Variants in KDM3A observed in about 807,000 individuals in gnomAD.
KDM3A encodes lysine demethylase 3A.
In KDM3A, 60 loss-of-function variants were observed where a neutral mutation model predicts 158.0. That is an observed-to-expected ratio of 0.38 (90% CI 0.31 to 0.47). The LOEUF (loss-of-function observed/expected upper bound fraction) is 0.47, where lower values mean the gene tolerates loss of function less well. Ranked by LOEUF, KDM3A falls within the 20% of genes least tolerant of loss-of-function variation. KDM3A has a pLI of 0.99. For synonymous variants in KDM3A, 608 were observed against 549.3 expected (o/e 1.11, Z -1.49); for missense variants, 1,319 against 1,574.3 (o/e 0.84, Z 2.74).
At chr2:86,466,921 G>A in intron 10 of KDM3A, 38 bp downstream of exon 10, 1 of 1,449,548 alleles carries the variant, frequency 6.9e-7, no homozygotes, top group Non-Finnish European at 9.3e-7. Flanking sequence ...TAGAAGGTAA[G>A]AAATGGTAGA....
At chr2:86,479,169 T>C (rs1673806363) in intron 15 of KDM3A, 1 of 154,202 alleles carries the variant, frequency 6.5e-6, no homozygotes, top group Non-Finnish European at 1.4e-5. Context: ...AACCTTTAGT[T>C]GCCCATCACA....
chr2:86,441,740 G>GC (rs1013015101), intron 1 of KDM3A, among the ~76,000 whole-genome samples: 8 of 151,000 alleles, frequency 5.3e-5, no homozygotes, highest in Non-Finnish European at 1.2e-4. Flanking sequence ...ATCCACTCGA[G>GC]CCGCAGATAA....
intron 3 of KDM3A, among the ~76,000 whole-genome samples, chr2:86,450,419 G>A (rs1156507826): frequency 6.6e-6 from 1 of 152,182 alleles, no homozygotes; most frequent in African/African-American, 2.4e-5. Context: ...TCTCTGTAGG[G>A]TTTCCAGTCT....
intron 11 of KDM3A, among the ~76,000 whole-genome samples, chr2:86,473,392 A>G (rs533704318): frequency 6.3e-4 from 96 of 152,044 alleles, no homozygotes; most frequent in Non-Finnish European, 1.0e-3. Context: ...CTCAAACTGA[A>G]TCTGTCTCAG....
In KDM3A at chr2:86,471,394, T is replaced by C. The variant is rs367543748; in HGVS notation, c.1724+986T>C. Among the ~76,000 whole-genome samples, 131 of 151,998 alleles carry C rather than the reference T, an allele frequency of 8.6e-4. 3 individuals are homozygous for C. The South Asian group carries it at 0.026, about 30-fold the overall frequency. On this transcript the variant is annotated intron_variant, in intron 11 of 25. Coordinates refer to ENST00000312912, the MANE Select transcript of KDM3A (RefSeq NM_018433.6). ...ATATGTATATATATGTGTGTATATATATATATTTTCAAAATCATTTTCTTT... is the reference window on the plus strand; with the variant it reads ...ATATGTATATATATGTGTGTATATACATATATTTTCAAAATCATTTTCTTT...
upstream of KDM3A, among the ~76,000 whole-genome samples, chr2:86,440,039 C>G (rs1271384211): frequency 1.3e-5 from 2 of 152,108 alleles, no homozygotes; most frequent in Admixed American, 1.3e-4. Flanking sequence ...TTGGACTTTT[C>G]ACATGAAAAA....
rs759939056 is a variant in KDM3A, at chr2:86,482,619, T to C, written c.2847T>C (p.Asn949=). Residue 949 remains asparagine, a synonymous_variant, in exon 18 of 26, where the codon AAT becomes AAC. Coordinates refer to ENST00000312912, the MANE Select transcript of KDM3A (RefSeq NM_018433.6). ...CTCCTCACTATTGGCTTTGTGATAA[T>C]CGCTTGCTGTGCTTGCAAGACCCCA... is the stretch of plus-strand genomic sequence containing the variant. ...FDTPHYWLCD[N]RLLCLQDPNN... is the part of the protein sequence containing the mutation. 11 of 1,614,096 alleles carry C rather than the reference T, an allele frequency of 6.8e-6. No individual in the cohort carries two copies. The East Asian group carries it at 2.5e-4, about 36-fold the overall frequency.
chr2:86,490,782 C>T (rs2104718696), intron 23 of KDM3A, 99 bp from the exon 24 acceptor site: 1 of 800,924 alleles, frequency 1.2e-6, no homozygotes, highest in Non-Finnish European at 1.9e-6. Flanking sequence ...TTGAAGAAGG[C>T]CTGACATTTA....
upstream of KDM3A, among the ~76,000 whole-genome samples, chr2:86,437,665 AT>A (rs1339339912): frequency 6.6e-6 from 1 of 152,084 alleles, no homozygotes; most frequent in East Asian, 1.9e-4. Flanking sequence ...AAGAGACAGA[AT>A]TTTTCATCTT....
intron 16 of KDM3A, among the ~76,000 whole-genome samples, chr2:86,481,097 G>A (rs186049450): frequency 1.3e-4 from 20 of 152,160 alleles, no homozygotes; most frequent in Admixed American, 8.5e-4. Context: ...AAGAATCATG[G>A]GACAAGATGC....
chr2:86,456,241 T>A (rs547398586), intron 5 of KDM3A, among the ~76,000 whole-genome samples: 2 of 152,182 alleles, frequency 1.3e-5, no homozygotes, highest in African/African-American at 4.8e-5. Context: ...TAATACTACT[T>A]TGGTCCGATA....
chr2:86,466,991 T>A (rs1347043121), intron 10 of KDM3A, 108 bp downstream of exon 10: 1 of 935,458 alleles, frequency 1.1e-6, no homozygotes, highest in Non-Finnish European at 1.5e-6. Context: ...GTAGAAATAG[T>A]TTATACAGTC....
rs771855776 is a variant in KDM3A, at chr2:86,489,579, G to A, written c.3493G>A (p.Glu1165Lys). 1.2e-6 allele frequency: 2 copies of A among 1,614,072 alleles called. No homozygotes were observed. The highest frequency in any genetic ancestry group is 1.7e-6 in the Non-Finnish European group (2 of 1,179,978). ...CGAACTCACAATAAAGCGATTTATT[G>A]AAGGAAAAGAGAAGCCAGGAGCACT... ...SDELTIKRFI[E>K]GKEKPGALWH... Residue 1165 changes from glutamate to lysine, a missense_variant, in exon 23 of 26, where the codon GAA (glutamate) becomes AAA (lysine). Glu to Lys is a moderately conservative substitution (Grantham distance 56, BLOSUM62 1). Transcript: ENST00000312912.
At chr2:86,480,012 A>G (rs991829920) in intron 15 of KDM3A, 155 bp from the exon 16 acceptor site, 13 of 625,956 alleles carry the variant, frequency 2.1e-5, no homozygotes, top group Non-Finnish European at 3.4e-5. Flanking sequence ...CTAGTGCGGG[A>G]TTACTGCAGC....
At chr2:86,469,296 C>G (rs955208078) in intron 10 of KDM3A, among the ~76,000 whole-genome samples, 1 of 152,196 alleles carries the variant, frequency 6.6e-6, no homozygotes, top group African/African-American at 2.4e-5. Flanking sequence ...CATCTCTCAA[C>G]TAGTTCCCCA....
rs544571304 is a variant in KDM3A at position 86,492,439 on chromosome 2, G to T, written c.*320G>T. On this transcript the variant is annotated 3_prime_UTR_variant, in exon 26 of 26. Transcript: ENST00000312912. ...TCAGCTGTTTGGACAACTTAGATTG[G>T]GTTTATAACTATTAGGAATCACTGC... is the stretch of plus-strand genomic sequence containing the variant. 3.9e-6 allele frequency: 1 copy of T among 257,440 alleles called. No homozygotes were observed. The highest frequency in any genetic ancestry group is 7.5e-6 in the Non-Finnish European group (1 of 133,288). 15.9% of individuals were successfully genotyped at this position (257,440 alleles called of 1,614,324 possible). A position where few individuals can be genotyped will look rare whatever the true frequency, so the allele number is the denominator to read the frequency against.
At chr2:86,454,060 T>C (rs1672584978) in intron 4 of KDM3A, among the ~76,000 whole-genome samples, 2 of 152,236 alleles carry the variant, frequency 1.3e-5, no homozygotes, top group South Asian at 4.1e-4. Context: ...CTGCCAAGAA[T>C]TGAATGTTTC....
Position 86,442,216 on chromosome 2 carries a change from A to G in KDM3A, c.169A>G (p.Thr57Ala). 6.2e-7 allele frequency: 1 copy of G among 1,610,946 alleles called. No homozygotes were observed. The highest frequency in any genetic ancestry group is 8.5e-7 in the Non-Finnish European group (1 of 1,178,232). The change falls in exon 2 of 26, where the codon ACC becomes GCC. Residue 57 changes from threonine to alanine, a missense_variant. Thr to Ala is a moderately conservative substitution (Grantham distance 58, BLOSUM62 0). Around this residue, in one of 4 missense-constraint regions of KDM3A, gnomAD observed 652 missense variants for 627.2 expected, o/e 1.04. Transcript: ENST00000312912. ...TIRAVSHTDVTKKDLKVCVEF... is the reference protein window; with the variant it reads ...TIRAVSHTDVAKKDLKVCVEF... ...TCGAGCTGTTTCCCACACCGACGTT[A>G]CCAAGAAGGATCTGAAGGTACAGGC...
Position 86,449,850 on chromosome 2 carries a change from G to T in KDM3A, c.230G>T (p.Trp77Leu), listed in dbSNP as rs746381482. 1 of 1,613,520 alleles carries T rather than the reference G, an allele frequency of 6.2e-7. No homozygotes were observed. The highest frequency in any genetic ancestry group is 8.5e-7 in the Non-Finnish European group (1 of 1,179,720). Residue 77 changes from tryptophan to leucine, a missense_variant, in exon 3 of 26, where the codon TGG becomes TTG. Trp to Leu is a moderately conservative substitution (Grantham distance 61). Around this residue, in one of 4 missense-constraint regions of KDM3A, gnomAD observed 652 missense variants for 627.2 expected, o/e 1.04. Transcript: ENST00000312912. ...FDGESWRKRRWIEVYSLLRRA... is the reference protein window; with the variant it reads ...FDGESWRKRRLIEVYSLLRRA... ...GGGGAATCTTGGAGGAAAAGAAGATGGATAGAAGTCTACAGCCTTCTAAGG... is the reference window on the plus strand; with the variant it reads ...GGGGAATCTTGGAGGAAAAGAAGATTGATAGAAGTCTACAGCCTTCTAAGG...
Sources: allele counts gnomAD v4.1 joint callset (sites outside exome capture counted in the v4.1 genomes callset), GRCh38; gene constraint gnomAD v4.1.1; regional missense constraint gnomAD v4.1.1; transcripts MANE v1.5; gene names NCBI Gene and HGNC (gene_info 2026-07-23, HGNC 2026-07-21).